DNAH14: variants seen among roughly 807,000 people sequenced by gnomAD.
DNAH14 encodes dynein axonemal heavy chain 14.
In DNAH14, 478 loss-of-function variants were observed where a neutral mutation model predicts 520.9. The ratio of observed to expected loss-of-function variants is 0.92; its 90% CI spans 0.85 to 0.99. DNAH14 has a LOEUF of 0.99. DNAH14 is among the 50% of genes least tolerant of loss of function. DNAH14 has a pLI of 0.00. For synonymous variants in DNAH14, 1,581 were observed against 1,757.2 expected (o/e 0.90, Z 2.51); for missense variants, 4,831 against 5,234.5 (o/e 0.92, Z 2.38).
intron 36 of DNAH14, among the ~76,000 whole-genome samples, chr1:225,169,876 C>T (rs893511382): frequency 5.9e-5 from 9 of 152,278 alleles, no homozygotes; most frequent in African/African-American, 1.9e-4. Context: ...AGAGAAAGGT[C>T]GGGTTACCCA....
chr1:224,944,446 G>A (rs896581266), intron 1 of DNAH14, among the ~76,000 whole-genome samples: 2 of 152,072 alleles, frequency 1.3e-5, no homozygotes, highest in African/African-American at 2.4e-5. Context: ...TCTTTATCCA[G>A]CTTGCCAGTC....
chr1:225,129,279 G>C (rs2078114401), intron 27 of DNAH14, among the ~76,000 whole-genome samples: 1 of 151,938 alleles, frequency 6.6e-6, no homozygotes, highest in Non-Finnish European at 1.5e-5. Flanking sequence ...TCCCCATCAA[G>C]CTACCAATGA....
chr1:225,025,980 C>A (rs962926885), intron 11 of DNAH14, among the ~76,000 whole-genome samples: 6 of 151,772 alleles, frequency 4.0e-5, no homozygotes, highest in African/African-American at 1.5e-4. Flanking sequence ...ACTCTTTGTT[C>A]ATTTTTAAAT....
chr1:225,087,965 T>G, intron 21 of DNAH14, among the ~76,000 whole-genome samples: 1 of 152,196 alleles, frequency 6.6e-6, no homozygotes, highest in Non-Finnish European at 1.5e-5. Context: ...CTCAGAGTCT[T>G]GCCACAGTAA....
chr1:225,226,903 G>T (rs528478946), intron 41 of DNAH14, among the ~76,000 whole-genome samples: 1 of 152,230 alleles, frequency 6.6e-6, no homozygotes, highest in African/African-American at 2.4e-5. Context: ...TTTAAGGAAA[G>T]GTGCTGTGAC....
intron 36 of DNAH14, 125 bp downstream of exon 36, chr1:225,168,153 T>G (rs1367730424): frequency 1.6e-6 from 1 of 609,662 alleles, no homozygotes. Flanking sequence ...TTAAAGTCAT[T>G]TATTAATTGT....
chr1:225,303,031 T>C, intron 56 of DNAH14, 125 bp from the exon 57 acceptor site: 1 of 706,806 alleles, frequency 1.4e-6, no homozygotes, highest in South Asian at 2.6e-5. Context: ...CATGCACAAA[T>C]GATCAGTCCC....
intron 10 of DNAH14, among the ~76,000 whole-genome samples, chr1:225,017,183 A>G (rs563094821): frequency 6.6e-6 from 1 of 152,162 alleles, no homozygotes; most frequent in Non-Finnish European, 1.5e-5. Flanking sequence ...ATTTATTAGT[A>G]TATACTTCCT....
At chr1:225,076,053 G>A (rs2072235233) in intron 17 of DNAH14, among the ~76,000 whole-genome samples, 2 of 151,990 alleles carry the variant, frequency 1.3e-5, no homozygotes, top group Admixed American at 1.3e-4. Flanking sequence ...TCTGCCTTGA[G>A]CTTGTATCCC....
intron 37 of DNAH14, among the ~76,000 whole-genome samples, chr1:225,190,872 T>C (rs1254199385): frequency 1.3e-5 from 2 of 151,972 alleles, no homozygotes; most frequent in African/African-American, 4.8e-5. Context: ...GACTGTGGTA[T>C]TTTGTTGTGG....
chr1:225,331,325 C>T, intron 64 of DNAH14, 112 bp from the exon 65 acceptor site: 1 of 1,060,456 alleles, frequency 9.4e-7, no homozygotes. Context: ...GAAAGATTTT[C>T]CAGGATGTGA....
chr1:225,016,159 G>C (rs997156293), intron 10 of DNAH14, among the ~76,000 whole-genome samples: 1 of 152,186 alleles, frequency 6.6e-6, no homozygotes, highest in Non-Finnish European at 1.5e-5. Context: ...CACACAACCT[G>C]TTCTGGGACT....
intron 5 of DNAH14, among the ~76,000 whole-genome samples, chr1:224,967,006 A>G (rs1398373416): frequency 2.0e-5 from 3 of 152,216 alleles, no homozygotes; most frequent in Non-Finnish European, 2.9e-5. Context: ...TACTTAACAA[A>G]TAATAGCTGT....
intron 23 of DNAH14, among the ~76,000 whole-genome samples, chr1:225,112,216 C>T (rs1459707752): frequency 3.3e-5 from 5 of 152,040 alleles, no homozygotes; most frequent in Admixed American, 2.6e-4. Flanking sequence ...CCTTCCTATT[C>T]GAAGGATATT....
At chr1:225,226,780 T>G (rs1354218197) in intron 41 of DNAH14, among the ~76,000 whole-genome samples, 1 of 152,168 alleles carries the variant, frequency 6.6e-6, no homozygotes, top group African/African-American at 2.4e-5. Flanking sequence ...CAGTATTTAT[T>G]GATCATTATC....
intron 29 of DNAH14, 22 bp downstream of exon 29, chr1:225,144,650 A>AAT (rs2079759471): frequency 6.6e-7 from 1 of 1,519,422 alleles, no homozygotes; most frequent in African/African-American, 1.4e-5. Context: ...CTGTATCCAG[A>AAT]ATAAAAACTT....
At chr1:225,007,768 A>G (rs980029233) in intron 10 of DNAH14, among the ~76,000 whole-genome samples, 6 of 151,984 alleles carry the variant, frequency 3.9e-5, no homozygotes, top group Non-Finnish European at 8.8e-5. Flanking sequence ...GAATGCATAT[A>G]TGTGTATATC....
At chr1:225,091,572 C>G (rs1219973217) in intron 21 of DNAH14, among the ~76,000 whole-genome samples, 9 of 152,046 alleles carry the variant, frequency 5.9e-5, no homozygotes. Context: ...TAAAAGAGAT[C>G]CTGAAGGGAG....
At chr1:224,950,853 T>G (rs1352780200) in intron 1 of DNAH14, among the ~76,000 whole-genome samples, 1 of 150,614 alleles carries the variant, frequency 6.6e-6, no homozygotes, top group African/African-American at 2.5e-5. Flanking sequence ...ACTATTTTGC[T>G]CATAGGCCTA....
Sources: gnomAD v4.1 joint callset for allele counts (sites outside exome capture counted in the v4.1 genomes callset) on GRCh38, gnomAD v4.1.1 for gene constraint, MANE v1.5 for transcripts, NCBI Gene and HGNC (gene_info 2026-07-23, HGNC 2026-07-21) for gene names.